Variants in PI4KA observed in about 807,000 individuals in gnomAD.
PI4KA encodes the protein PI4-kinase alpha.
A neutral mutation model predicts 271.4 loss-of-function variants in PI4KA; 122 were observed. The observed-to-expected ratio is 0.45, with a 90% CI of 0.39 to 0.52. The LOEUF (loss-of-function observed/expected upper bound fraction) is 0.52. Among genes scored for constraint, PI4KA ranks in the 20% least tolerant of loss-of-function variants. The pLI is 0.00. For missense variants in PI4KA, 1,969 were observed against 2,769.1 expected (o/e 0.71, Z 6.48); for synonymous variants, 1,041 against 1,078.8 (o/e 0.96, Z 0.69).
rs1935319786 is a variant in PI4KA, at chr22:20,801,396, C to T, written c.1724+577G>A. Among the ~76,000 whole-genome samples, 4 of 150,256 alleles carry T rather than the reference C, an allele frequency of 2.7e-5. No homozygotes were observed. In the South Asian group the frequency reaches 8.5e-4, roughly 32 times the overall value. ...GTCACAAGTTTGAGACCAGTCTGGC[C>T]AACATAGTGAAATCCCATCTCTACT... is the stretch of plus-strand genomic sequence containing the variant. On this transcript the variant is annotated intron_variant, in intron 14 of 54. Coordinates refer to ENST00000255882, the MANE Select transcript of PI4KA (RefSeq NM_058004.4).
chr22:20,727,698 A>T, intron 40 of PI4KA, 76 bp downstream of exon 40: 1 of 1,123,786 alleles, frequency 8.9e-7, no homozygotes, highest in Non-Finnish European at 1.3e-6. Context: ...TCTCATTTCT[A>T]GTTTCAGGCA....
At position 20,796,253 on chromosome 22, in the gene PI4KA, G is replaced by A. The variant is rs768260788; in HGVS notation, c.2170C>T (p.His724Tyr). ...ANIAANIQDE[H>Y]LVDELLMNLL... Reference sequence around the variant, plus strand: ...TTCATGAGCAGCTCATCCACCAGGTGCTCGTCTTGGATGTTGGCCGCGATG... The same window carrying A: ...TTCATGAGCAGCTCATCCACCAGGTACTCGTCTTGGATGTTGGCCGCGATG... Residue 724 changes from histidine to tyrosine, a missense_variant, in exon 18 of 55, where the codon CAC becomes TAC. Transcript: ENST00000255882. The A allele has an allele frequency of 1.2e-6, 2 of 1,614,138 alleles. No homozygotes were observed. Among genetic ancestry groups the A allele is most frequent in the Non-Finnish European group, 1.7e-6 (2 of 1,180,012 alleles).
At chr22:20,736,763 C>T (rs1430863225) in intron 32 of PI4KA, 2 of 155,292 alleles carry the variant, frequency 1.3e-5, no homozygotes, top group Non-Finnish European at 2.8e-5. Flanking sequence ...AATGGAGGGA[C>T]CTCGCTGGCA....
intron 3 of PI4KA, among the ~76,000 whole-genome samples, chr22:20,827,231 A>G: frequency 6.6e-6 from 1 of 152,138 alleles, no homozygotes; most frequent in East Asian, 1.9e-4. Context: ...ATTTTTGTAT[A>G]AGGTGTAAGT....
chr22:20,770,579 GACACACACACACACACAC>G lies in PI4KA; in HGVS notation c.2329-4904_2329-4887del, dbSNP rs528696021. Among the ~76,000 whole-genome samples the G allele has an allele frequency of 6.2e-3, 593 of 96,062 alleles. 5 individuals carry two copies. Among genetic ancestry groups the G allele is most frequent in the African/African-American group, 0.021 (496 of 24,010 alleles). The allele number at this position is 96,062 out of a possible 152,430, so 63.0% of individuals were successfully genotyped here. ...TGCTATGTTGCCCAAGCTGGACACGGACACACACACACACACACACACACACACACACACACACACACA... is the reference window on the plus strand; with the variant it reads ...TGCTATGTTGCCCAAGCTGGACACGGACACACACACACACACACACACACA... On this transcript the variant is annotated intron_variant, in intron 19 of 54. Coordinates refer to ENST00000255882, the MANE Select transcript of PI4KA (RefSeq NM_058004.4).
intron 29 of PI4KA, chr22:20,747,379 C>G: frequency 2.2e-6 from 1 of 444,890 alleles, no homozygotes; most frequent in Non-Finnish European, 4.0e-6. Context: ...AAAAAAAGCA[C>G]AATAAGGAAA....
intron 19 of PI4KA, among the ~76,000 whole-genome samples, chr22:20,778,025 A>G (rs542929948): frequency 2.4e-4 from 36 of 152,326 alleles, no homozygotes; most frequent in African/African-American, 8.4e-4. Flanking sequence ...ACCCTGTGTT[A>G]GAAGCAGTAA....
rs1601593131 is a variant in PI4KA at position 20,833,870 on chromosome 22, G to C, written c.367+692C>G. On this transcript the variant is annotated intron_variant, in intron 3 of 54. Coordinates refer to ENST00000255882, the MANE Select transcript of PI4KA (RefSeq NM_058004.4). ...AGATAGAGTTTCACCATATTGGCCA[G>C]GCTGGTCTTGAACTCCTGACCTCGT... Among the ~76,000 whole-genome samples the C allele has an allele frequency of 2.0e-5, 3 of 151,998 alleles. No individual in the cohort carries two copies. In the East Asian group the frequency reaches 5.8e-4, roughly 29 times the overall value.
In PI4KA at chr22:20,793,005, A is replaced by G. The variant is rs165793; in HGVS notation, c.2328+188T>C. On this transcript the variant is annotated intron_variant, in intron 19 of 54. Coordinates refer to ENST00000255882, the MANE Select transcript of PI4KA (RefSeq NM_058004.4). ...AGGTCATGGAGAAAGGGAGTGAAGG[A>G]TGTGCCATGGTGGACACACCTATGG... Among the ~76,000 whole-genome samples, 120,933 of 152,056 alleles carry G rather than the reference A, an allele frequency of 0.8. 48,466 individuals are homozygous for G. The highest frequency in any genetic ancestry group is 0.87 in the African/African-American group (36,144 of 41,478).
rs146787835 is a variant in PI4KA at position 20,786,701 on chromosome 22, C to T, written c.2328+6492G>A. Among the ~76,000 whole-genome samples the T allele has an allele frequency of 5.9e-5, 9 of 152,274 alleles. No individual in the cohort carries two copies. The East Asian group carries it at 7.7e-4, about 13-fold the overall frequency. ...GAACCTAGCCGGCCTCTAAGTGCAA[C>T]GGCTGCCCCTGACAGGTGGTGACAG... On this transcript the variant is annotated intron_variant, in intron 19 of 54. Coordinates refer to ENST00000255882, the MANE Select transcript of PI4KA (RefSeq NM_058004.4).
intron 19 of PI4KA, chr22:20,780,061 T>G (rs139434064): frequency 2.0e-5 from 32 of 1,614,056 alleles, no homozygotes; most frequent in Middle Eastern, 1.6e-4. Flanking sequence ...GAGGCCCAGA[T>G]AGCTGACTTC....
intron 3 of PI4KA, among the ~76,000 whole-genome samples, chr22:20,831,649 T>C (rs946671926): frequency 6.6e-6 from 1 of 152,132 alleles, no homozygotes; most frequent in Non-Finnish European, 1.5e-5. Flanking sequence ...TAGGCCTCCA[T>C]TCTCTTCTGG....
intron 19 of PI4KA, among the ~76,000 whole-genome samples, chr22:20,768,956 T>C (rs1365495744): frequency 1.3e-5 from 2 of 152,168 alleles, no homozygotes; most frequent in African/African-American, 2.4e-5. Flanking sequence ...GTCTCTGAAG[T>C]GACCGGCCTC....
chr22:20,728,494 T>TC (rs1259270061), intron 39 of PI4KA, among the ~76,000 whole-genome samples: 9 of 152,220 alleles, frequency 5.9e-5, no homozygotes, highest in Middle Eastern at 3.4e-3. Flanking sequence ...TACCATATCC[T>TC]CTCCTGACTC....
intron 19 of PI4KA, among the ~76,000 whole-genome samples, chr22:20,775,286 G>A (rs1041876168): frequency 2.0e-5 from 3 of 152,092 alleles, no homozygotes; most frequent in Admixed American, 2.0e-4. Context: ...TCACAACCTA[G>A]TGATAGTTTT....
chr22:20,748,732 T>A (rs1054077775), intron 28 of PI4KA, among the ~76,000 whole-genome samples: 1 of 152,214 alleles, frequency 6.6e-6, no homozygotes, highest in Non-Finnish European at 1.5e-5. Context: ...CAGAAACCCA[T>A]CCTTGGACAC....
intron 19 of PI4KA, among the ~76,000 whole-genome samples, chr22:20,782,306 C>T (rs1240239627): frequency 6.6e-6 from 1 of 152,170 alleles, no homozygotes; most frequent in African/African-American, 2.4e-5. Context: ...CACAGTAACC[C>T]GTGTCATACC....
chr22:20,770,720 T>C (rs948467058), intron 19 of PI4KA, among the ~76,000 whole-genome samples: 1 of 151,884 alleles, frequency 6.6e-6, no homozygotes, highest in African/African-American at 2.4e-5. Context: ...ACAGGAGTTG[T>C]TCTACTACAC....
chr22:20,794,207 G>A (rs1350853594), intron 18 of PI4KA, among the ~76,000 whole-genome samples: 2 of 152,250 alleles, frequency 1.3e-5, no homozygotes, highest in Non-Finnish European at 2.9e-5. Context: ...CCTAAGGGAT[G>A]CGTGATGATG....
Sources: allele counts gnomAD v4.1 joint callset (sites outside exome capture counted in the v4.1 genomes callset), GRCh38; gene constraint gnomAD v4.1.1; transcripts MANE v1.5; gene names NCBI Gene and HGNC (gene_info 2026-07-23, HGNC 2026-07-21).